Variants in JPH1 observed in about 807,000 individuals in gnomAD.
JPH1 encodes the protein junctophilin-1.
A neutral mutation model predicts 53.6 loss-of-function variants in JPH1; 12 were observed. That is an observed-to-expected ratio of 0.22 (90% CI 0.14 to 0.36). The LOEUF is 0.36. Ranked by LOEUF, JPH1 falls within the 10% of genes least tolerant of loss-of-function variation. JPH1 has a pLI of 1.00. For synonymous variants in JPH1, 375 were observed against 363.8 expected, an observed-to-expected ratio of 1.03 and a Z score of -0.35; for missense variants, 808 against 905.5, an observed-to-expected ratio of 0.89 and a Z score of 1.38.
At chr8:74,244,105 A>G (rs1486929750) in intron 4 of JPH1, among the ~76,000 whole-genome samples, 3 of 152,356 alleles carry the variant, frequency 2.0e-5, no homozygotes, top group African/African-American at 7.2e-5. Context: ...CGCTGTGGTG[A>G]AAACAGGAGA....
intron 2 of JPH1, among the ~76,000 whole-genome samples, chr8:74,302,169 C>T (rs1807701982): frequency 6.6e-6 from 1 of 152,208 alleles, no homozygotes; most frequent in African/African-American, 2.4e-5. Flanking sequence ...AATTACTGAC[C>T]TCAGACCACA....
At chr8:74,264,733 A>G (rs1806484406) in intron 2 of JPH1, among the ~76,000 whole-genome samples, 1 of 152,218 alleles carries the variant, frequency 6.6e-6, no homozygotes, top group Non-Finnish European at 1.5e-5. Flanking sequence ...CATTATACAA[A>G]TGCATCCACA....
intron 2 of JPH1, among the ~76,000 whole-genome samples, chr8:74,285,442 T>A (rs556667033): frequency 6.6e-6 from 1 of 152,020 alleles, no homozygotes; most frequent in Admixed American, 6.6e-5. Context: ...CAATATATAG[T>A]ATATTATTAA....
At chr8:74,263,765 C>G (rs10086174) in intron 2 of JPH1, among the ~76,000 whole-genome samples, 10,694 of 152,202 alleles carry the variant, frequency 0.07, 958 homozygotes, top group African/African-American at 0.2. Flanking sequence ...TGCTTAATAA[C>G]CAAAAACACA....
chr8:74,314,908 T>C lies in JPH1; in HGVS notation c.1092A>G (p.Gln364=). ...EKVDRAIEGA[Q]RAAAMARTKV... The stretch of plus-strand genomic sequence containing the variant: ...TGGTTCTGGCCATGGCAGCTGCCCT[T>C]TGGGCGCCTTCAATTGCTCTGTCCA... Residue 364 remains glutamine, a synonymous_variant, in exon 2 of 6, where the codon CAA becomes CAG. Coordinates refer to ENST00000342232, the MANE Select transcript of JPH1 (RefSeq NM_020647.4). 6.2e-7 allele frequency: 1 copy of C among 1,614,240 alleles called. No individual in the cohort carries two copies. The highest frequency in any genetic ancestry group is 8.5e-7 in the Non-Finnish European group (1 of 1,180,040).
chr8:74,268,937 T>G (rs1806617634), intron 2 of JPH1, among the ~76,000 whole-genome samples: 1 of 152,206 alleles, frequency 6.6e-6, no homozygotes, highest in South Asian at 2.1e-4. Flanking sequence ...CACACTGTGG[T>G]GCTCAAATGA....
At chr8:74,274,770 A>G (rs1020536083) in intron 2 of JPH1, among the ~76,000 whole-genome samples, 3 of 152,208 alleles carry the variant, frequency 2.0e-5, no homozygotes, top group Admixed American at 2.0e-4. Context: ...CTCTATCATG[A>G]AAAATCAGAA....
intron 1 of JPH1, among the ~76,000 whole-genome samples, chr8:74,319,276 C>A (rs1185964106): frequency 6.6e-6 from 1 of 152,038 alleles, no homozygotes; most frequent in Non-Finnish European, 1.5e-5. Context: ...GAGAACCATC[C>A]CTGGCCTTCT....
At chr8:74,263,104 C>G (rs1343206778) in intron 2 of JPH1, among the ~76,000 whole-genome samples, 1 of 152,206 alleles carries the variant, frequency 6.6e-6, no homozygotes, top group Non-Finnish European at 1.5e-5. Flanking sequence ...GCTGAGCATA[C>G]TCTCCTCCTG....
intron 2 of JPH1, among the ~76,000 whole-genome samples, chr8:74,282,907 T>C (rs1310184939): frequency 6.6e-6 from 1 of 152,242 alleles, no homozygotes; most frequent in African/African-American, 2.4e-5. Context: ...TGTATCAAAA[T>C]ATCACACTGT....
intron 2 of JPH1, among the ~76,000 whole-genome samples, chr8:74,268,164 G>A (rs191303907): frequency 1.3e-5 from 2 of 152,134 alleles, no homozygotes; most frequent in East Asian, 3.9e-4. Flanking sequence ...AACATAGAGA[G>A]GTACTTAACA....
chr8:74,315,454 G>GGCGGCT lies in JPH1; in HGVS notation c.540_545dup (p.Ala182_Ala183dup), dbSNP rs760457154. 2.5e-6 allele frequency: 4 copies of GGCGGCT among 1,608,590 alleles called. No homozygotes were observed. Among genetic ancestry groups the GGCGGCT allele is most frequent in the East Asian group, 4.5e-5 (2 of 44,782 alleles). ...CGCGGGTGCCGGCCGGGCTGTCGGC[G>GGCGGCT]GCGGCTGCGGCGTCGTGGAGCACGC... On this transcript the variant is annotated inframe_insertion, in exon 2 of 6. Coordinates refer to ENST00000342232, the MANE Select transcript of JPH1 (RefSeq NM_020647.4). The surrounding 1 kb of genome is among the most constrained non-coding windows in gnomAD (Gnocchi z 6.3).
At chr8:74,306,345 T>C (rs1156785357) in intron 2 of JPH1, among the ~76,000 whole-genome samples, 1 of 152,150 alleles carries the variant, frequency 6.6e-6, no homozygotes, top group East Asian at 1.9e-4. Context: ...GGCCCCTTGA[T>C]ATGGACAATC....
At chr8:74,253,650 A>G (rs1806132836) in intron 3 of JPH1, among the ~76,000 whole-genome samples, 1 of 152,174 alleles carries the variant, frequency 6.6e-6, no homozygotes, top group African/African-American at 2.4e-5. Flanking sequence ...CGCTAACAAG[A>G]CTAATAAAGA....
In JPH1 at chr8:74,315,892, T is replaced by C. The variant is rs1333888733; in HGVS notation, c.380-272A>G. ...AAGTATTTCAGAGGAAAACCACTACTTTCTAATACAAAAAGTGAACACTGG... is the reference window on the plus strand; with the variant it reads ...AAGTATTTCAGAGGAAAACCACTACCTTCTAATACAAAAAGTGAACACTGG... On this transcript the variant is annotated intron_variant, in intron 1 of 5. Coordinates refer to ENST00000342232, the MANE Select transcript of JPH1 (RefSeq NM_020647.4). This position sits in a 1 kb window ranked among gnomAD's most constrained non-coding sequence, Gnocchi z 6.3. Among the ~76,000 whole-genome samples, 1 of 152,204 alleles carries C rather than the reference T, an allele frequency of 6.6e-6. No individual in the cohort carries two copies. Among genetic ancestry groups the C allele is most frequent in the Non-Finnish European group, 1.5e-5 (1 of 68,030 alleles).
intron 1 of JPH1, among the ~76,000 whole-genome samples, chr8:74,319,930 C>G (rs1199351086): frequency 1.3e-5 from 2 of 152,174 alleles, no homozygotes; most frequent in Non-Finnish European, 2.9e-5. Flanking sequence ...GTATACTTTT[C>G]CTAATAAAAG....
At chr8:74,290,484 C>A (rs1367789377) in intron 2 of JPH1, among the ~76,000 whole-genome samples, 1 of 152,080 alleles carries the variant, frequency 6.6e-6, no homozygotes, top group East Asian at 1.9e-4. Context: ...TAAAAGAGGA[C>A]ACAAACAAAT....
At chr8:74,294,298 T>C (rs1334396309) in intron 2 of JPH1, among the ~76,000 whole-genome samples, 1 of 152,204 alleles carries the variant, frequency 6.6e-6, no homozygotes, top group Non-Finnish European at 1.5e-5. Flanking sequence ...GTAATAAAAC[T>C]GATAAATCAA....
chr8:74,295,858 A>C (rs1807493679), intron 2 of JPH1, among the ~76,000 whole-genome samples: 1 of 152,070 alleles, frequency 6.6e-6, no homozygotes, highest in African/African-American at 2.4e-5. Context: ...AAACCTCCAA[A>C]ACTGCAACTC....
Sources: gnomAD v4.1 joint callset for allele counts (sites outside exome capture counted in the v4.1 genomes callset) on GRCh38, gnomAD v4.1.1 for gene constraint, Gnocchi (gnomAD v3.1) non-coding constraint, MANE v1.5 for transcripts, NCBI Gene and HGNC (gene_info 2026-07-23, HGNC 2026-07-21) for gene names.